Variants in ZDHHC14 observed in about 807,000 individuals in gnomAD.
ZDHHC14 encodes the protein zDHHC palmitoyltransferase 14.
A neutral mutation model predicts 47.7 loss-of-function variants in ZDHHC14; 16 were observed. The ratio of observed to expected loss-of-function variants is 0.34; its 90% CI spans 0.23 to 0.51. The LOEUF (loss-of-function observed/expected upper bound fraction) is 0.51. ZDHHC14 is among the 20% of genes least tolerant of loss of function. ZDHHC14 has a pLI of 0.97. For synonymous variants in ZDHHC14, 293 were observed against 278.9 expected (o/e 1.05, Z -0.50); for missense variants, 515 against 662.5 (o/e 0.78, Z 2.44).
intron 2 of ZDHHC14, among the ~76,000 whole-genome samples, chr6:157,588,083 C>G (rs1193076198): frequency 6.6e-6 from 1 of 152,022 alleles, no homozygotes; most frequent in Non-Finnish European, 1.5e-5. Context: ...ATAGTGAAAC[C>G]CTGTCTCTAC....
At chr6:157,590,203 G>T (rs1041216493) in intron 2 of ZDHHC14, among the ~76,000 whole-genome samples, 1 of 152,182 alleles carries the variant, frequency 6.6e-6, no homozygotes, top group Non-Finnish European at 1.5e-5. Context: ...CCCATTTTCT[G>T]GGGAGAAATT....
At chr6:157,413,432 A>G (rs1777910250) in intron 1 of ZDHHC14, among the ~76,000 whole-genome samples, 1 of 151,858 alleles carries the variant, frequency 6.6e-6, no homozygotes, top group Non-Finnish European at 1.5e-5. Context: ...TTTCACCAAC[A>G]CTCACTGGTA....
intron 1 of ZDHHC14, among the ~76,000 whole-genome samples, chr6:157,395,187 G>A (rs1777495659): frequency 6.6e-6 from 1 of 151,112 alleles, no homozygotes; most frequent in African/African-American, 2.4e-5. Context: ...TTAAGATAAG[G>A]TCTTGCTCTG....
At chr6:157,547,119 A>G (rs553896369) in intron 2 of ZDHHC14, among the ~76,000 whole-genome samples, 4 of 152,326 alleles carry the variant, frequency 2.6e-5, no homozygotes, top group South Asian at 2.1e-4. Flanking sequence ...CACTCTGTAC[A>G]TGTTGCTGAC....
chr6:157,622,283 G>A (rs1264038409), intron 3 of ZDHHC14, among the ~76,000 whole-genome samples: 1 of 151,756 alleles, frequency 6.6e-6, no homozygotes, highest in Non-Finnish European at 1.5e-5. Flanking sequence ...CCAGCCACTC[G>A]GGAGGCTGAG....
chr6:157,525,485 C>T (rs563267009), intron 1 of ZDHHC14, among the ~76,000 whole-genome samples: 21 of 152,190 alleles, frequency 1.4e-4, no homozygotes, highest in African/African-American at 5.1e-4. Context: ...CTGTTTACAG[C>T]ATGGCAGCTG....
chr6:157,607,831 C>T (rs1784599361), intron 3 of ZDHHC14, among the ~76,000 whole-genome samples: 1 of 152,088 alleles, frequency 6.6e-6, no homozygotes, highest in Admixed American at 6.5e-5. Flanking sequence ...TTGACAGTGC[C>T]GTCTTAAATT....
At chr6:157,513,238 G>C (rs141921788) in intron 1 of ZDHHC14, among the ~76,000 whole-genome samples, 7 of 152,316 alleles carry the variant, frequency 4.6e-5, no homozygotes, top group African/African-American at 1.4e-4. Context: ...AAAATTGACT[G>C]TTCAGCACCA....
intron 1 of ZDHHC14, among the ~76,000 whole-genome samples, chr6:157,436,133 G>T (rs1286030211): frequency 2.0e-5 from 3 of 152,180 alleles, no homozygotes; most frequent in African/African-American, 4.8e-5. Flanking sequence ...AGAGTCCATA[G>T]AGAGGCCAGT....
intron 1 of ZDHHC14, among the ~76,000 whole-genome samples, chr6:157,453,788 TTGTG>T (rs371025248): frequency 0.012 from 1,779 of 148,120 alleles, 45 homozygotes; most frequent in African/African-American, 0.043. Context: ...TTTTTGTGTT[TTGTG>T]TGTGTGTGTG....
chr6:157,604,192 C>A (rs1314008742), intron 3 of ZDHHC14, among the ~76,000 whole-genome samples: 1 of 151,388 alleles, frequency 6.6e-6, no homozygotes, highest in Non-Finnish European at 1.5e-5. Context: ...GAGGCTGAGG[C>A]AGGTGGATCA....
intron 1 of ZDHHC14, among the ~76,000 whole-genome samples, chr6:157,527,643 A>G (rs903462424): frequency 6.6e-6 from 1 of 152,154 alleles, no homozygotes; most frequent in Non-Finnish European, 1.5e-5. Flanking sequence ...AGCATTTTCA[A>G]GCTGTTTTTC....
intron 3 of ZDHHC14, among the ~76,000 whole-genome samples, chr6:157,613,834 G>C (rs556995593): frequency 3.3e-5 from 5 of 152,102 alleles, no homozygotes; most frequent in Non-Finnish European, 7.4e-5. Flanking sequence ...GGGATCCATA[G>C]CTGTCATCAG....
chr6:157,465,105 CTTTTTTT>C (rs772080368), intron 1 of ZDHHC14, among the ~76,000 whole-genome samples: 18 of 102,008 alleles, frequency 1.8e-4, no homozygotes, highest in Admixed American at 8.4e-4. Flanking sequence ...TCTCTTTCTC[CTTTTTTT>C]TTTTTTTTTT....
At chr6:157,550,668 C>T (rs749823244) in intron 2 of ZDHHC14, among the ~76,000 whole-genome samples, 1 of 152,238 alleles carries the variant, frequency 6.6e-6, no homozygotes, top group Admixed American at 6.5e-5. Context: ...CACAGTGTTT[C>T]CCCTCCTGAA....
intron 1 of ZDHHC14, among the ~76,000 whole-genome samples, chr6:157,534,779 C>T (rs981901208): frequency 5.9e-5 from 9 of 151,768 alleles, no homozygotes; most frequent in East Asian, 1.9e-4. Context: ...TTTGTAGAGA[C>T]GGGGTTTCGC....
chr6:157,538,491 C>A (rs1383988547), intron 1 of ZDHHC14, among the ~76,000 whole-genome samples: 1 of 152,192 alleles, frequency 6.6e-6, no homozygotes, highest in Non-Finnish European at 1.5e-5. Flanking sequence ...TAAATGGATT[C>A]TATTCATTCA....
At chr6:157,405,129 G>A (rs1777715165) in intron 1 of ZDHHC14, among the ~76,000 whole-genome samples, 1 of 152,102 alleles carries the variant, frequency 6.6e-6, no homozygotes, top group Non-Finnish European at 1.5e-5. Flanking sequence ...AGTAGCTCAG[G>A]AATATTTTAT....
In ZDHHC14 at chr6:157,428,596, G is replaced by A. The variant is rs1056279214; in HGVS notation, c.245+46330G>A. On this transcript the variant is annotated intron_variant, in intron 1 of 8. Transcript: ENST00000359775. Reference sequence around the variant, plus strand: ...CCTTGTGGAAGGGCACCCGAGAGAGGCGCATTCCTGCTTAGCGAGTCCCCC... The same window carrying A: ...CCTTGTGGAAGGGCACCCGAGAGAGACGCATTCCTGCTTAGCGAGTCCCCC... Among the ~76,000 whole-genome samples, 3 of 152,128 alleles carry A rather than the reference G, an allele frequency of 2.0e-5. No individual in the cohort carries two copies. In the East Asian group the frequency reaches 5.8e-4, roughly 29 times the overall value.
Sources: allele counts gnomAD v4.1 joint callset (sites outside exome capture counted in the v4.1 genomes callset), GRCh38; gene constraint gnomAD v4.1.1; transcripts MANE v1.5; gene names NCBI Gene and HGNC (gene_info 2026-07-23, HGNC 2026-07-21).